SCFD2: variants seen among roughly 807,000 people sequenced by gnomAD.
SCFD2 encodes the protein sec1 family domain containing 2, also known as sec1 family domain-containing protein 2.
A neutral mutation model predicts 58.9 loss-of-function variants in SCFD2; 54 were observed. The ratio of observed to expected loss-of-function variants is 0.92; its 90% CI spans 0.74 to 1.15. The LOEUF (loss-of-function observed/expected upper bound fraction) is 1.15, where lower values mean the gene tolerates loss of function less well. Among genes scored for constraint, SCFD2 ranks in the 50% most tolerant of loss-of-function variants. SCFD2 has a pLI of 0.00. For missense variants in SCFD2, 805 were observed against 836.6 expected, an observed-to-expected ratio of 0.96 and a Z score of 0.47; for synonymous variants, 321 against 335.9, an observed-to-expected ratio of 0.96 and a Z score of 0.49.
At chr4:53,299,877 C>T (rs545060969) in intron 3 of SCFD2, among the ~76,000 whole-genome samples, 10 of 152,270 alleles carry the variant, frequency 6.6e-5, no homozygotes, top group African/African-American at 2.4e-4. Flanking sequence ...AAATAAAATC[C>T]TTTACACACA....
chr4:53,297,022 T>C (rs1732060202), intron 3 of SCFD2, among the ~76,000 whole-genome samples: 1 of 152,210 alleles, frequency 6.6e-6, no homozygotes, highest in Non-Finnish European at 1.5e-5. Context: ...ATGATTTCTG[T>C]TCTATTGCAT....
chr4:52,983,041 G>A (rs1347687646), intron 5 of SCFD2, among the ~76,000 whole-genome samples: 1 of 152,060 alleles, frequency 6.6e-6, no homozygotes, highest in Non-Finnish European at 1.5e-5. Flanking sequence ...TTGGTCCCTT[G>A]GTTTGTTGTG....
At chr4:53,331,535 T>G (rs1468989968) in intron 2 of SCFD2, among the ~76,000 whole-genome samples, 1 of 152,186 alleles carries the variant, frequency 6.6e-6, no homozygotes, top group East Asian at 1.9e-4. Context: ...ATAAAGATGT[T>G]CTTTGAAACC....
intron 4 of SCFD2, among the ~76,000 whole-genome samples, chr4:53,187,441 A>G (rs1378133864): frequency 2.0e-5 from 3 of 152,090 alleles, no homozygotes; most frequent in African/African-American, 7.2e-5. Context: ...AAAAAAGTAC[A>G]TATGTTATGA....
chr4:53,340,014 TC>T (rs1267927908), intron 2 of SCFD2, among the ~76,000 whole-genome samples: 1 of 152,002 alleles, frequency 6.6e-6, no homozygotes. Context: ...TAGGAACAGC[TC>T]CAGTCTACAG....
chr4:53,276,431 C>T (rs1416893601), intron 3 of SCFD2, among the ~76,000 whole-genome samples: 2 of 152,046 alleles, frequency 1.3e-5, no homozygotes, highest in Non-Finnish European at 2.9e-5. Context: ...TACTGACCCA[C>T]ATATACATTT....
chr4:53,044,995 T>C (rs1385464485), intron 5 of SCFD2, among the ~76,000 whole-genome samples: 1 of 146,138 alleles, frequency 6.8e-6, no homozygotes, highest in African/African-American at 2.6e-5. Context: ...AAAAATATTC[T>C]TAAAATAAGC....
chr4:53,335,402 T>C (rs1353697758), intron 2 of SCFD2, among the ~76,000 whole-genome samples: 1 of 152,148 alleles, frequency 6.6e-6, no homozygotes, highest in Non-Finnish European at 1.5e-5. Flanking sequence ...GACTGAAGAC[T>C]AAGAGGGAAT....
At chr4:53,244,863 G>T (rs1730016386) in intron 4 of SCFD2, among the ~76,000 whole-genome samples, 1 of 149,982 alleles carries the variant, frequency 6.7e-6, no homozygotes, top group Non-Finnish European at 1.5e-5. Context: ...CCAATAGCTA[G>T]ACTAATAAAG....
intron 5 of SCFD2, 70 bp from the exon 6 acceptor site, chr4:52,920,940 G>T: frequency 1.1e-6 from 1 of 921,948 alleles, no homozygotes; most frequent in South Asian, 2.2e-5. Context: ...GCTTGAGCTC[G>T]ATGTAATGTA....
At chr4:53,101,918 C>T (rs1334084835) in intron 5 of SCFD2, among the ~76,000 whole-genome samples, 1 of 151,882 alleles carries the variant, frequency 6.6e-6, no homozygotes, top group Middle Eastern at 3.2e-3. Context: ...CATGAATTTT[C>T]ACATGAAACA....
intron 4 of SCFD2, among the ~76,000 whole-genome samples, chr4:53,160,719 A>C (rs1489974126): frequency 6.6e-6 from 1 of 152,202 alleles, no homozygotes; most frequent in Non-Finnish European, 1.5e-5. Context: ...AAGGTAGAAG[A>C]ATGCACCAAG....
chr4:53,008,370 T>TCATGGAGAAG, intron 5 of SCFD2, among the ~76,000 whole-genome samples: 1 of 152,162 alleles, frequency 6.6e-6, no homozygotes, highest in Middle Eastern at 3.4e-3. Context: ...GCACAGAGCA[T>TCATGGAGAAG]CATGGAGAAG....
chr4:53,251,649 T>C (rs889378939), intron 4 of SCFD2, among the ~76,000 whole-genome samples: 3 of 152,062 alleles, frequency 2.0e-5, no homozygotes, highest in African/African-American at 4.8e-5. Flanking sequence ...ATTATCTCAA[T>C]AGATGCAGAA....
chr4:53,136,697 C>A (rs934556411), intron 5 of SCFD2, among the ~76,000 whole-genome samples: 2 of 152,246 alleles, frequency 1.3e-5, no homozygotes, highest in Admixed American at 6.5e-5. Flanking sequence ...ATTAGACATG[C>A]AAGTTTATGG....
At chr4:53,182,600 C>A (rs1312724381) in intron 4 of SCFD2, among the ~76,000 whole-genome samples, 2 of 152,200 alleles carry the variant, frequency 1.3e-5, no homozygotes, top group Non-Finnish European at 2.9e-5. Context: ...TGGGCAAGGA[C>A]TTCATGTCTA....
rs1464816256 is a variant in SCFD2, at chr4:53,365,134, C to T, written c.808G>A (p.Val270Ile). The change falls in exon 1 of 9, where the codon GTT becomes ATT. Residue 270 changes from valine (V) to isoleucine (I), a missense_variant. Val to Ile is a conservative substitution (Grantham distance 29). This residue lies in a region of SCFD2 where 633 missense variants were observed against 646.8 expected (regional missense o/e 0.98). Transcript: ENST00000401642. The surrounding 1 kb of genome is among the most constrained non-coding windows in gnomAD (Gnocchi z 4.3). The part of the protein sequence containing the change: ...KKTAAGRASV[V>I]FVDRTLDLTG... ...AGATCCAGGGTTCTGTCCACAAAAACCACTGATGCCCTGCCTGCAGCAGTC... is the reference window on the plus strand; with the variant it reads ...AGATCCAGGGTTCTGTCCACAAAAATCACTGATGCCCTGCCTGCAGCAGTC... 1.2e-6 allele frequency: 2 copies of T among 1,614,070 alleles called. No homozygotes were observed. The highest frequency in any genetic ancestry group is 2.2e-5 in the East Asian group (1 of 44,900).
intron 5 of SCFD2, among the ~76,000 whole-genome samples, chr4:52,991,693 G>C (rs1721615858): frequency 6.6e-6 from 1 of 152,178 alleles, no homozygotes; most frequent in Admixed American, 6.5e-5. Context: ...AATGAGGGAA[G>C]TGGTTTGAAT....
At chr4:53,335,173 C>T (rs916472478) in intron 2 of SCFD2, among the ~76,000 whole-genome samples, 6 of 112,352 alleles carry the variant, frequency 5.3e-5, no homozygotes, top group Admixed American at 4.2e-4. Context: ...ACCAGCCTGG[C>T]GACAGAATGA....
Sources: allele counts gnomAD v4.1 joint callset (sites outside exome capture counted in the v4.1 genomes callset), GRCh38; gene constraint gnomAD v4.1.1; regional missense constraint gnomAD v4.1.1; non-coding constraint Gnocchi (gnomAD v3.1); transcripts MANE v1.5; gene names NCBI Gene and HGNC (gene_info 2026-07-23, HGNC 2026-07-21).